FSD1: variants seen among roughly 807,000 people sequenced by gnomAD.
FSD1 encodes fibronectin type III and SPRY domain containing 1.
FSD1 carries 23 observed loss-of-function variants against 58.2 expected under a neutral mutation model. That is an observed-to-expected ratio of 0.40 (90% CI 0.28 to 0.56). The LOEUF (loss-of-function observed/expected upper bound fraction) is 0.56. Among genes scored for constraint, FSD1 ranks in the 20% least tolerant of loss-of-function variants. FSD1 has a pLI of 0.54. For missense variants in FSD1, 563 were observed against 670.8 expected, an observed-to-expected ratio of 0.84 and a Z score of 1.78; for synonymous variants, 265 against 263.4, an observed-to-expected ratio of 1.01 and a Z score of -0.06.
Position 4,304,721 on chromosome 19 carries a change from G to A in FSD1, c.-26G>A. Reference sequence around the variant, plus strand: ...CCAGCGTGCGCGGGGCCCGCGGGCCGGGCCGGGGTGACCTGGGCTGCAGCC... The same window carrying A: ...CCAGCGTGCGCGGGGCCCGCGGGCCAGGCCGGGGTGACCTGGGCTGCAGCC... On this transcript the variant is annotated 5_prime_UTR_variant, in exon 1 of 13. Coordinates refer to ENST00000221856, the MANE Select transcript of FSD1 (RefSeq NM_024333.3). 4.1e-6 allele frequency: 5 copies of A among 1,223,640 alleles called. No individual in the cohort carries two copies. Among genetic ancestry groups the A allele is most frequent in the Non-Finnish European group, 5.1e-6 (5 of 980,688 alleles). The allele number at this position is 1,223,640 out of a possible 1,614,324, so 75.8% of individuals were successfully genotyped here. A position where few individuals can be genotyped will look rare whatever the true frequency, so the allele number is the denominator to read the frequency against.
In FSD1 at chr19:4,310,486, C is replaced by T. The variant is rs371390445; in HGVS notation, c.380C>T (p.Ala127Val). ...CCTCCTTCCTGCAGAGTGACCATGGCCCCTGCCTTCCGGCTATCATTGAAA... is the reference window on the plus strand; with the variant it reads ...CCTCCTTCCTGCAGAGTGACCATGGTCCCTGCCTTCCGGCTATCATTGAAA... ...AKQIKDGVTM[A>V]PAFRLSLKAK... Residue 127 changes from alanine (A) to valine (V), a missense_variant, in exon 6 of 13, where the codon GCC becomes GTC. Transcript: ENST00000221856. 8.1e-6 allele frequency: 13 copies of T among 1,612,530 alleles called. No homozygotes were observed. The African/African-American group carries it at 1.3e-4, about 17-fold the overall frequency.
intron 4 of FSD1, 120 bp from the exon 5 acceptor site, chr19:4,310,153 A>T: frequency 9.3e-7 from 1 of 1,074,968 alleles, no homozygotes; most frequent in Non-Finnish European, 1.4e-6. Context: ...TGAACCCAGG[A>T]GGTGGAGGTT....
intron 7 of FSD1, among the ~76,000 whole-genome samples, 168 bp downstream of exon 7, chr19:4,312,219 T>A (rs1599536506): frequency 6.6e-6 from 1 of 152,284 alleles, no homozygotes; most frequent in Middle Eastern, 3.4e-3. Context: ...CCAGGCGCGG[T>A]GGCTCATGCC....
chr19:4,312,931 C>T (rs1971711010), intron 7 of FSD1, among the ~76,000 whole-genome samples: 1 of 151,986 alleles, frequency 6.6e-6, no homozygotes, highest in Admixed American at 6.6e-5. Flanking sequence ...CTGCCTCAGC[C>T]TCCCAAATAG....
At chr19:4,307,842 G>A (rs1255294155) in intron 3 of FSD1, 40 bp from the exon 4 acceptor site, 1 of 1,515,046 alleles carries the variant, frequency 6.6e-7, no homozygotes, top group Admixed American at 1.8e-5. Flanking sequence ...CTGAGGCAGT[G>A]GGGTGAGTTG....
chr19:4,318,976 A>T (rs1971785726), intron 10 of FSD1, 25 bp downstream of exon 10: 5 of 1,596,230 alleles, frequency 3.1e-6, no homozygotes, highest in Non-Finnish European at 4.3e-6. Context: ...AAGAAAGGGG[A>T]GAGGGGAGTT....
chr19:4,306,130 G>C, intron 2 of FSD1, 68 bp from the exon 3 acceptor site: 1 of 1,611,128 alleles, frequency 6.2e-7, no homozygotes, highest in Non-Finnish European at 8.5e-7. Context: ...TGCTGTTGAT[G>C]CCTGTGGGAG....
chr19:4,322,888 G>A, intron 10 of FSD1, 98 bp from the exon 11 acceptor site: 1 of 1,409,704 alleles, frequency 7.1e-7, no homozygotes, highest in Non-Finnish European at 9.6e-7. Flanking sequence ...AGCAGCTGTG[G>A]TGTAAGGAGC....
chr19:4,308,134 G>T lies in FSD1; in HGVS notation c.345+151G>T, dbSNP rs1971643764. The stretch of plus-strand genomic sequence containing the variant: ...GATACCAAGAAAGTGTCCAGGCCGG[G>T]CACAGTGGCTACGCCTGTAATCCCA... On this transcript the variant is annotated intron_variant, in intron 4 of 12. Transcript: ENST00000221856. 3.2e-5 allele frequency: 20 copies of T among 624,520 alleles called. No homozygotes were observed. In the South Asian group the frequency reaches 3.9e-4, roughly 12 times the overall value. The allele number at this position is 624,520 out of a possible 1,614,324, so 38.7% of individuals were successfully genotyped here. A position where few individuals can be genotyped will look rare whatever the true frequency, so the allele number is the denominator to read the frequency against.
chr19:4,305,800 G>T, intron 1 of FSD1, 146 bp from the exon 2 acceptor site: 1 of 668,186 alleles, frequency 1.5e-6, no homozygotes, highest in South Asian at 1.7e-5. Flanking sequence ...GTGTGCGCAT[G>T]TGTGTGCATG....
chr19:4,306,396 C>T, intron 3 of FSD1, 67 bp downstream of exon 3: 1 of 1,552,328 alleles, frequency 6.4e-7, no homozygotes, highest in African/African-American at 1.4e-5. Flanking sequence ...CTGACCTCGG[C>T]ACCTTCCTCC....
intron 10 of FSD1, 102 bp from the exon 11 acceptor site, chr19:4,322,884 T>C: frequency 1.5e-6 from 2 of 1,377,362 alleles, no homozygotes. Context: ...AGGGAGCAGC[T>C]GTGGTGTAAG....
In FSD1 at chr19:4,323,550, C is replaced by T; in HGVS notation, c.1398C>T (p.Phe466=). Residue 466 remains phenylalanine (F), a synonymous_variant, in exon 13 of 13, where the codon TTC becomes TTT. Transcript: ENST00000221856. The surrounding 1 kb of genome is among the most constrained non-coding windows in gnomAD (Gnocchi z 7.7). ...TCCCTCAGGTATGGTGTGGCAGCTT[C>T]CAGGTGACGACAGGCCTGCAGGTCC... The part of the protein sequence containing the change: ...LPAFTVWCGS[F]QVTTGLQVPS... 2 of 1,608,396 alleles carry T rather than the reference C, an allele frequency of 1.2e-6. No individual in the cohort carries two copies. Among genetic ancestry groups the T allele is most frequent in the East Asian group, 2.2e-5 (1 of 44,800 alleles).
At chr19:4,318,798 A>C in intron 9 of FSD1, 74 bp from the exon 10 acceptor site, 1 of 1,202,032 alleles carries the variant, frequency 8.3e-7, no homozygotes, top group East Asian at 2.3e-5. Flanking sequence ...GGGGTGGACT[A>C]GGGTAGCCTT....
intron 7 of FSD1, among the ~76,000 whole-genome samples, chr19:4,315,247 T>G (rs981125231): frequency 1.3e-5 from 2 of 150,592 alleles, no homozygotes; most frequent in Non-Finnish European, 3.0e-5. Flanking sequence ...TGCCTCAACC[T>G]CCCAAGTAGC....
intron 6 of FSD1, 32 bp downstream of exon 6, chr19:4,310,628 T>A: frequency 6.3e-7 from 1 of 1,598,238 alleles, no homozygotes; most frequent in Non-Finnish European, 8.5e-7. Context: ...GGGCCAGGAC[T>A]TCCGGGGAAT....
chr19:4,318,075 C>T (rs984075781), intron 8 of FSD1, among the ~76,000 whole-genome samples: 3 of 151,874 alleles, frequency 2.0e-5, no homozygotes, highest in Non-Finnish European at 4.4e-5. Flanking sequence ...AGGCAACAAC[C>T]CTTGGCCTTC....
In FSD1 at chr19:4,311,988, C is replaced by G. The variant is rs1269446410; in HGVS notation, c.637C>G (p.Leu213Val). The change falls in exon 7 of 13, where the codon CTC becomes GTC. Residue 213 changes from leucine to valine, a missense_variant. Coordinates refer to ENST00000221856, the MANE Select transcript of FSD1 (RefSeq NM_024333.3). ...GACCAACTTCGAGGGCCCGCCCCGC[C>G]TCAAGGAGGACCAGCCCTGGATGGT... is the stretch of plus-strand genomic sequence containing the variant. ...RRTNFEGPPR[L>V]KEDQPWMVIE... 1 of 1,613,490 alleles carries G rather than the reference C, an allele frequency of 6.2e-7. No individual in the cohort carries two copies. The highest frequency in any genetic ancestry group is 1.3e-5 in the African/African-American group (1 of 75,068).
Position 4,306,313 on chromosome 19 carries a change from G to A in FSD1, c.227G>A (p.Arg76His), listed in dbSNP as rs1334936086. The A allele has an allele frequency of 3.7e-6, 6 of 1,613,820 alleles. No individual in the cohort carries two copies. The African/African-American group carries it at 4.0e-5, about 11-fold the overall frequency. ...LMKIKQDRAS[R>H]TYELQNQLAA... is the part of the protein sequence containing the mutation. ...AAGATAAAACAGGACCGTGCCAGCC[G>A]TACCTACGAGCTGCAGGTGAGGGCT... The change falls in exon 3 of 13, where the codon CGT becomes CAT. Residue 76 changes from arginine to histidine, a missense_variant. Arg to His is a conservative substitution (Grantham distance 29, BLOSUM62 0). Transcript: ENST00000221856.
Sources: gnomAD v4.1 joint callset for allele counts (sites outside exome capture counted in the v4.1 genomes callset) on GRCh38, gnomAD v4.1.1 for gene constraint, Gnocchi (gnomAD v3.1) non-coding constraint, MANE v1.5 for transcripts, NCBI Gene and HGNC (gene_info 2026-07-23, HGNC 2026-07-21) for gene names.